Variants in CAPN7 observed in about 807,000 individuals in gnomAD.
The protein encoded by CAPN7 is calpain 7.
CAPN7 carries 72 observed loss-of-function variants against 115.2 expected under a neutral mutation model. The observed-to-expected ratio is 0.63, with a 90% CI of 0.52 to 0.76. The LOEUF is 0.76. CAPN7 is among the 30% of genes least tolerant of loss of function. The pLI, the probability that CAPN7 is intolerant of heterozygous loss-of-function variation, is 0.00. For synonymous variants in CAPN7, 344 were observed against 322.3 expected, an observed-to-expected ratio of 1.07 and a Z score of -0.72; for missense variants, 905 against 971.5, an observed-to-expected ratio of 0.93 and a Z score of 0.91.
Position 15,230,432 on chromosome 3 carries a change from C to G in CAPN7, c.939-10C>G, listed in dbSNP as rs772506760. On this transcript the variant is annotated splice_polypyrimidine_tract_variant and intron_variant, in intron 8 of 20. Coordinates refer to ENST00000253693, the MANE Select transcript of CAPN7 (RefSeq NM_014296.3). ...TGTTGGTATTTTAATATTTATTTTT[C>G]TTACAAAAGCATAATTTACCCTCAA... 3.2e-6 allele frequency: 5 copies of G among 1,568,132 alleles called. No homozygotes were observed. The highest frequency in any genetic ancestry group is 4.4e-6 in the Non-Finnish European group (5 of 1,138,820).
chr3:15,230,406 A>G, intron 8 of CAPN7, 36 bp from the exon 9 acceptor site: 1 of 1,343,900 alleles, frequency 7.4e-7, no homozygotes, highest in South Asian at 1.2e-5. Context: ...TTGAATACTA[A>G]TGTTGGTATT....
rs761448579 is a variant in CAPN7, at chr3:15,206,446, C to G, written c.-50C>G. ...CGGGCCGCCGCAGTCCGCGAAGAGC[C>G]GTCCTGCGTCAGGGCCTCCTTCCCT... On this transcript the variant is annotated 5_prime_UTR_variant, in exon 1 of 21. Coordinates refer to ENST00000253693, the MANE Select transcript of CAPN7 (RefSeq NM_014296.3). 5.1e-6 allele frequency: 7 copies of G among 1,384,188 alleles called. No individual in the cohort carries two copies. The highest frequency in any genetic ancestry group is 1.5e-5 in the African/African-American group (1 of 66,682). 85.7% of individuals were successfully genotyped at this position (1,384,188 alleles called of 1,614,324 possible).
At chr3:15,238,199 C>T (rs772309989) in intron 12 of CAPN7, among the ~76,000 whole-genome samples, 3 of 147,340 alleles carry the variant, frequency 2.0e-5, no homozygotes, top group South Asian at 4.3e-4. Flanking sequence ...TTGCAAGCTC[C>T]GCCTCCCAGG....
chr3:15,247,573 G>T, intron 19 of CAPN7, 116 bp downstream of exon 19: 1 of 715,330 alleles, frequency 1.4e-6, no homozygotes, highest in South Asian at 2.7e-5. Flanking sequence ...TATAACAATG[G>T]CATTATAGTG....
chr3:15,229,477 A>G (rs1227551614), intron 8 of CAPN7, among the ~76,000 whole-genome samples: 3 of 152,100 alleles, frequency 2.0e-5, no homozygotes, highest in Non-Finnish European at 4.4e-5. Flanking sequence ...CAAAATTGCA[A>G]AATATCTCAT....
At chr3:15,213,879 A>ATT (rs113975216) in intron 2 of CAPN7, among the ~76,000 whole-genome samples, 16 of 137,422 alleles carry the variant, frequency 1.2e-4, no homozygotes, top group African/African-American at 2.2e-4. Flanking sequence ...TTCAAAAAGG[A>ATT]TTTTTTTTTT....
chr3:15,207,234 T>A (rs1301826573), intron 1 of CAPN7, among the ~76,000 whole-genome samples: 1 of 152,120 alleles, frequency 6.6e-6, no homozygotes, highest in African/African-American at 2.4e-5. Context: ...TGCAGTTACA[T>A]GCAGTGGTAA....
chr3:15,230,452 C>G lies in CAPN7; in HGVS notation c.949C>G (p.Pro317Ala). The change falls in exon 9 of 21, where the codon CCT becomes GCT. Residue 317 changes from proline to alanine, a missense_variant. By Grantham distance (27) the Pro-to-Ala change is conservative. Coordinates refer to ENST00000253693, the MANE Select transcript of CAPN7 (RefSeq NM_014296.3). ...TTTTTCTTACAAAAGCATAATTTAC[C>G]CTCAAAACAAGGATGGTGAACCAGA... Reference protein sequence around the residue: ...NKKLITGIIYPQNKDGEPEYN... With the variant: ...NKKLITGIIYAQNKDGEPEYN... 1 of 1,606,114 alleles carries G rather than the reference C, an allele frequency of 6.2e-7. No homozygotes were observed. Among genetic ancestry groups the G allele is most frequent in the Non-Finnish European group, 8.5e-7 (1 of 1,173,712 alleles).
chr3:15,213,005 TC>T (rs1361702485), intron 2 of CAPN7, among the ~76,000 whole-genome samples: 1 of 152,216 alleles, frequency 6.6e-6, no homozygotes, highest in Admixed American at 6.5e-5. Context: ...TTATGACAGT[TC>T]CCTTAAAAAC....
Position 15,247,473 on chromosome 3 carries a change from C to A in CAPN7, c.2204+16C>A. 6.4e-7 allele frequency: 1 copy of A among 1,572,282 alleles called. No individual in the cohort carries two copies. The highest frequency in any genetic ancestry group is 8.6e-7 in the Non-Finnish European group (1 of 1,164,386). On this transcript the variant is annotated intron_variant, in intron 19 of 20. Transcript: ENST00000253693. Reference sequence around the variant, plus strand: ...GAGGACCAAGGTTTGTGATGAGTAACTTTCTTAAATTAATGATGTTCTATT... The same window carrying A: ...GAGGACCAAGGTTTGTGATGAGTAAATTTCTTAAATTAATGATGTTCTATT...
intron 4 of CAPN7, among the ~76,000 whole-genome samples, chr3:15,220,427 A>T (rs1273101780): frequency 6.6e-6 from 1 of 152,196 alleles, no homozygotes; most frequent in Non-Finnish European, 1.5e-5. Flanking sequence ...TGCATGTAAT[A>T]CTTTCATCCT....
At chr3:15,228,840 C>T (rs1265085039) in intron 7 of CAPN7, 134 bp from the exon 8 acceptor site, 7 of 635,404 alleles carry the variant, frequency 1.1e-5, no homozygotes, top group Non-Finnish European at 1.9e-5. Flanking sequence ...CACATGTACC[C>T]CCGAACCTAA....
chr3:15,249,014 AAAAAAAAAAAC>A (rs1292926196), intron 19 of CAPN7, among the ~76,000 whole-genome samples: 4 of 150,102 alleles, frequency 2.7e-5, no homozygotes, highest in South Asian at 2.1e-4. Context: ...ACCAAAAAAA[AAAAAAAAAAAC>A]AAAAACAGAA....
At chr3:15,208,161 T>C (rs2044735670) in intron 1 of CAPN7, among the ~76,000 whole-genome samples, 1 of 152,140 alleles carries the variant, frequency 6.6e-6, no homozygotes, top group African/African-American at 2.4e-5. Context: ...TGAAATGTTA[T>C]GTGGTGTGTG....
Position 15,206,603 on chromosome 3 carries a change from G to C in CAPN7, c.102+6G>C. The C allele has an allele frequency of 1.3e-6, 2 of 1,540,188 alleles. No individual in the cohort carries two copies. Among genetic ancestry groups the C allele is most frequent in the Non-Finnish European group, 1.8e-6 (2 of 1,141,346 alleles). ...AGGCGGTGTTTTATTACAAGGTAGG[G>C]CCGGGCCCGGCGCTTCGGTCGGAGT... On this transcript the variant is annotated splice_donor_region_variant and intron_variant, in intron 1 of 20. Coordinates refer to ENST00000253693, the MANE Select transcript of CAPN7 (RefSeq NM_014296.3).
intron 2 of CAPN7, among the ~76,000 whole-genome samples, chr3:15,213,878 GA>G (rs1345369146): frequency 6.9e-6 from 1 of 145,762 alleles, no homozygotes; most frequent in African/African-American, 2.8e-5. Context: ...GTTCAAAAAG[GA>G]TTTTTTTTTT....
intron 16 of CAPN7, among the ~76,000 whole-genome samples, chr3:15,244,801 G>A (rs1695559470): frequency 6.6e-6 from 1 of 151,982 alleles, no homozygotes; most frequent in African/African-American, 2.4e-5. Context: ...TAAGCAATTG[G>A]GGGTGTAGAT....
chr3:15,212,735 G>GT (rs1190704050), intron 2 of CAPN7, among the ~76,000 whole-genome samples: 1 of 152,100 alleles, frequency 6.6e-6, no homozygotes, highest in Non-Finnish European at 1.5e-5. Context: ...AGCACAACAG[G>GT]TACAATAATA....
rs140620332 is a variant in CAPN7, at chr3:15,235,595, C to G, written c.1407+450C>G. Among the ~76,000 whole-genome samples, 682 of 152,186 alleles carry G rather than the reference C, an allele frequency of 4.5e-3. 7 individuals carry two copies. Among genetic ancestry groups the G allele is most frequent in the Non-Finnish European group, 7.3e-3 (498 of 67,992 alleles). On this transcript the variant is annotated intron_variant, in intron 12 of 20. Coordinates refer to ENST00000253693, the MANE Select transcript of CAPN7 (RefSeq NM_014296.3). The stretch of plus-strand genomic sequence containing the variant: ...TGGTTTCAGGATAAAACTGTTTTAC[C>G]TCAGATCATCAGGCATTAGATTCTC...
Sources: gnomAD v4.1 joint callset for allele counts (sites outside exome capture counted in the v4.1 genomes callset) on GRCh38, gnomAD v4.1.1 for gene constraint, MANE v1.5 for transcripts, NCBI Gene and HGNC (gene_info 2026-07-23, HGNC 2026-07-21) for gene names.